Variants in CUL2 observed in about 807,000 individuals in gnomAD.
CUL2 encodes cullin 2.
CUL2 carries 22 observed loss-of-function variants against 110.2 expected under a neutral mutation model. The ratio of observed to expected loss-of-function variants is 0.20; its 90% CI spans 0.14 to 0.28. CUL2 has a LOEUF of 0.28. Ranked by LOEUF, CUL2 falls within the 10% of genes least tolerant of loss-of-function variation. The pLI, the probability that CUL2 is intolerant of heterozygous loss-of-function variation, is 1.00. For synonymous variants in CUL2, 279 were observed against 293.2 expected (o/e 0.95, Z 0.49); for missense variants, 631 against 905.5 (o/e 0.70, Z 3.89).
intron 1 of CUL2, among the ~76,000 whole-genome samples, chr10:35,101,394 C>T (rs2087375497): frequency 6.6e-6 from 1 of 152,216 alleles, no homozygotes; most frequent in African/African-American, 2.4e-5. Context: ...TTAGTACCAA[C>T]ATCTAGCCAT....
chr10:35,044,958 C>G, intron 6 of CUL2, 90 bp from the exon 7 acceptor site: 9 of 838,688 alleles, frequency 1.1e-5, no homozygotes, highest in Non-Finnish European at 1.6e-5. Context: ...GCTCCTTATT[C>G]TATTGGTCTA....
intron 2 of CUL2, among the ~76,000 whole-genome samples, chr10:35,068,746 A>G (rs1223091896): frequency 6.6e-6 from 1 of 152,232 alleles, no homozygotes; most frequent in African/African-American, 2.4e-5. Context: ...AAGTATTTAC[A>G]TTGTATGGCC....
intron 15 of CUL2, 64 bp from the exon 16 acceptor site, chr10:35,028,951 T>G: frequency 2.0e-6 from 2 of 993,434 alleles, no homozygotes; most frequent in Admixed American, 4.9e-5. Context: ...AAAGTAAATA[T>G]TTATTAAATA....
rs936705951 is a variant in CUL2, at chr10:35,044,672, T to G, written c.608A>C (p.Tyr203Ser). The stretch of plus-strand genomic sequence containing the variant: ...AAAGGGAGACTCAAAAATTTCCTGA[T>G]AAAACTGAATAAATCAATTACATCA... Reference protein sequence around the residue: ...QYKKKFPLKFYQEIFESPFLT... With the variant: ...QYKKKFPLKFSQEIFESPFLT... The change falls in exon 8 of 21, where the codon TAT becomes TCT. Residue 203 changes from tyrosine to serine, a missense_variant. Tyr to Ser is a moderately radical substitution (Grantham distance 144, BLOSUM62 -2). Transcript: ENST00000374749. 2.9e-5 allele frequency: 47 copies of G among 1,601,480 alleles called. No individual in the cohort carries two copies. Among genetic ancestry groups the G allele is most frequent in the Non-Finnish European group, 3.9e-5 (46 of 1,172,280 alleles).
chr10:35,053,241 C>A (rs1260749922), intron 5 of CUL2, among the ~76,000 whole-genome samples: 1 of 152,176 alleles, frequency 6.6e-6, no homozygotes, highest in African/African-American at 2.4e-5. Flanking sequence ...TATTCACTTA[C>A]AATGCTACTA....
intron 3 of CUL2, 58 bp downstream of exon 3, chr10:35,062,902 A>G (rs1202753574): frequency 1.0e-6 from 1 of 993,518 alleles, no homozygotes; most frequent in Non-Finnish European, 1.6e-6. Flanking sequence ...GGAAAACAGT[A>G]AACTAGTAAA....
chr10:35,032,614 C>T (rs2085506593), intron 11 of CUL2, 120 bp from the exon 12 acceptor site: 3 of 648,292 alleles, frequency 4.6e-6, no homozygotes, highest in Admixed American at 6.3e-5. Flanking sequence ...ACAGCATTGC[C>T]GGTAGTTTGT....
chr10:35,063,186 TA>T (rs1228957818), intron 2 of CUL2, 124 bp from the exon 3 acceptor site: 4 of 594,974 alleles, frequency 6.7e-6, no homozygotes, highest in Non-Finnish European at 5.9e-6. Context: ...ATAATATACA[TA>T]ATACTGTTGT....
chr10:35,064,067 T>C (rs1034460530), intron 2 of CUL2: 7 of 152,182 alleles, frequency 4.6e-5, no homozygotes, highest in African/African-American at 1.7e-4. Context: ...TATGCCATCT[T>C]ATCAGTACGA....
chr10:35,079,261 G>A (rs933832898), intron 1 of CUL2, among the ~76,000 whole-genome samples: 3 of 152,216 alleles, frequency 2.0e-5, no homozygotes, highest in African/African-American at 7.2e-5. Context: ...CCCTTCTTGT[G>A]AAGGTGTGAG....
chr10:35,111,817 G>A (rs548945760), intron 1 of CUL2, among the ~76,000 whole-genome samples: 1 of 152,324 alleles, frequency 6.6e-6, no homozygotes. Flanking sequence ...TTGACTCTGG[G>A]AGGCAGAGGT....
At chr10:35,123,755 A>G (rs1239232519) in intron 1 of CUL2, among the ~76,000 whole-genome samples, 2 of 152,226 alleles carry the variant, frequency 1.3e-5, no homozygotes, top group African/African-American at 4.8e-5. Flanking sequence ...TTTTGAACCT[A>G]TGAGTTGGAA....
chr10:35,049,419 C>T (rs2086033065), intron 6 of CUL2, among the ~76,000 whole-genome samples: 2 of 151,736 alleles, frequency 1.3e-5, no homozygotes, highest in South Asian at 2.1e-4. Context: ...AAGTCACTTC[C>T]CTCAGATACT....
chr10:35,033,352 T>C, intron 10 of CUL2, 79 bp from the exon 11 acceptor site: 1 of 950,722 alleles, frequency 1.1e-6, no homozygotes, highest in Non-Finnish European at 1.6e-6. Flanking sequence ...TTAGACTTAT[T>C]AGTAAATTTT....
intron 5 of CUL2, among the ~76,000 whole-genome samples, chr10:35,050,045 A>G (rs2086058533): frequency 6.6e-6 from 1 of 152,184 alleles, no homozygotes; most frequent in South Asian, 2.1e-4. Flanking sequence ...AATTTAGGCC[A>G]GGTACAGTGG....
intron 1 of CUL2, among the ~76,000 whole-genome samples, chr10:35,116,345 A>C (rs1044990162): frequency 9.9e-5 from 15 of 150,786 alleles, no homozygotes; most frequent in Admixed American, 3.3e-4. Flanking sequence ...ACTCCATCTC[A>C]AAAAAAAAAT....
At chr10:35,080,433 TTTTATTTATTTATTTATTTATTTA>T (rs139166454) in intron 1 of CUL2, among the ~76,000 whole-genome samples, 1,451 of 140,676 alleles carry the variant, frequency 0.01, 13 homozygotes, top group Non-Finnish European at 0.016. Context: ...GAATTCCTAT[TTTTATTTATTTATTTATTTATTTA>T]TTTATTTATT....
At chr10:35,117,048 A>G (rs1171488456) in intron 1 of CUL2, among the ~76,000 whole-genome samples, 1 of 152,152 alleles carries the variant, frequency 6.6e-6, no homozygotes, top group African/African-American at 2.4e-5. Context: ...TTACAATGAA[A>G]AAAAAGGTAA....
chr10:35,021,914 A>G (rs4934700), intron 17 of CUL2, among the ~76,000 whole-genome samples: 28,665 of 103,466 alleles, frequency 0.28, 4,186 homozygotes, highest in Non-Finnish European at 0.32. Flanking sequence ...GGTGGGGCGA[A>G]GTGGGGCGAG....
Sources: allele counts gnomAD v4.1 joint callset (sites outside exome capture counted in the v4.1 genomes callset), GRCh38; gene constraint gnomAD v4.1.1; transcripts MANE v1.5; gene names NCBI Gene and HGNC (gene_info 2026-07-23, HGNC 2026-07-21).